EYS: variants seen among roughly 807,000 people sequenced by gnomAD.
EYS encodes the protein EGF-like photoreceptor maintenance factor, also known as protein eyes shut homolog.
EYS carries 250 observed loss-of-function variants against 282.1 expected under a neutral mutation model. The observed-to-expected ratio is 0.89, with a 90% CI of 0.80 to 0.98. The LOEUF (loss-of-function observed/expected upper bound fraction) is 0.98. Ranked by LOEUF, EYS falls within the 50% of genes least tolerant of loss-of-function variation. The pLI, the probability that EYS is intolerant of heterozygous loss-of-function variation, is 0.00. For missense variants in EYS, 4,016 were observed against 3,709.0 expected (o/e 1.08, Z -2.15); for synonymous variants, 1,355 against 1,282.9 (o/e 1.06, Z -1.20).
intron 30 of EYS, among the ~76,000 whole-genome samples, chr6:64,281,243 C>T (rs1015466438): frequency 2.0e-5 from 3 of 151,966 alleles, no homozygotes; most frequent in Non-Finnish European, 2.9e-5. Flanking sequence ...CTTAATGCAT[C>T]TTTCAAAAAA....
In EYS at chr6:64,591,646, T is replaced by C. The variant is rs527342098; in HGVS notation, c.4221A>G (p.Gln1407=). ...TCTGACAGTTCTCAAATAATAAAGA[T>C]TGTGTAGGAAAAATAAAATCTGACA... ...SLMSDFIFPT[Q]SLLFENCQTV... The change falls in exon 26 of 43, where the codon CAA becomes CAG. Residue 1407 remains glutamine (Q), a synonymous_variant. Transcript: ENST00000503581. The C allele has an allele frequency of 1.6e-5, 25 of 1,551,140 alleles. No homozygotes were observed. The African/African-American group carries it at 3.3e-4, about 20-fold the overall frequency.
Position 63,798,987 on chromosome 6 carries a change from G to GTATATATA in EYS, c.7411+7195_7411+7202dup, listed in dbSNP as rs56290982. Among the ~76,000 whole-genome samples the GTATATATA allele has an allele frequency of 4.4e-3, 376 of 85,694 alleles. 2 individuals carry two copies. Among genetic ancestry groups the GTATATATA allele is most frequent in the Middle Eastern group, 0.017 (2 of 116 alleles). The allele number at this position is 85,694 out of a possible 152,430, so 56.2% of individuals were successfully genotyped here. The stretch of plus-strand genomic sequence containing the variant: ...TGTATATATATATATGTATATGTGT[G>GTATATATA]TATATATATATATATATATATATAT... On this transcript the variant is annotated intron_variant, in intron 37 of 42. Transcript: ENST00000503581.
intron 1 of EYS, among the ~76,000 whole-genome samples, chr6:65,682,810 T>C (rs1768883356): frequency 6.6e-6 from 1 of 151,686 alleles, no homozygotes. Flanking sequence ...ATGTATATAG[T>C]AAAAAGAAAG....
chr6:64,855,266 G>A (rs1351017206), intron 19 of EYS, among the ~76,000 whole-genome samples: 1 of 151,598 alleles, frequency 6.6e-6, no homozygotes, highest in Non-Finnish European at 1.5e-5. Context: ...TAGAAATCTT[G>A]GCCTTTATCT....
At chr6:65,524,011 A>G (rs542804189) in intron 2 of EYS, among the ~76,000 whole-genome samples, 3 of 152,296 alleles carry the variant, frequency 2.0e-5, no homozygotes, top group African/African-American at 7.2e-5. Flanking sequence ...AGCTGGGATT[A>G]CAGACACACA....
At chr6:65,538,086 T>C (rs899518310) in intron 2 of EYS, among the ~76,000 whole-genome samples, 1 of 152,090 alleles carries the variant, frequency 6.6e-6, no homozygotes, top group Non-Finnish European at 1.5e-5. Flanking sequence ...ATTAGGTGAG[T>C]TGTTAAGAAG....
intron 30 of EYS, among the ~76,000 whole-genome samples, chr6:64,264,334 G>A (rs1376042592): frequency 6.6e-6 from 1 of 152,076 alleles, no homozygotes; most frequent in Non-Finnish European, 1.5e-5. Flanking sequence ...GCTTAATCAG[G>A]TTTCCTCTGA....
At chr6:64,470,290 A>G (rs1021711982) in intron 26 of EYS, among the ~76,000 whole-genome samples, 39 of 152,222 alleles carry the variant, frequency 2.6e-4, no homozygotes, top group African/African-American at 9.2e-4. Context: ...AATTCTGGAA[A>G]AATAATTAGA....
Position 64,386,968 on chromosome 6 carries a change from G to GTAAT in EYS, c.6078+1718_6078+1721dup, listed in dbSNP as rs1561964184. 2.0e-5 allele frequency among the ~76,000 whole-genome samples: 3 copies of GTAAT among 152,198 alleles called. No homozygotes were observed. The East Asian group carries it at 5.8e-4, about 29-fold the overall frequency. On this transcript the variant is annotated intron_variant, in intron 29 of 42. Coordinates refer to ENST00000503581, the MANE Select transcript of EYS (RefSeq NM_001142800.2). ...AATGGCTCCCCCATTTAAGAAGTAT[G>GTAAT]TAATGTATAGTATATGTATATGGCA...
At chr6:64,907,191 C>A (rs769056837) in intron 16 of EYS, among the ~76,000 whole-genome samples, 5 of 152,130 alleles carry the variant, frequency 3.3e-5, no homozygotes, top group Non-Finnish European at 5.9e-5. Flanking sequence ...ACAGTTAGGA[C>A]TGCAGGCATG....
chr6:65,178,322 T>C (rs1268685032), intron 12 of EYS, among the ~76,000 whole-genome samples: 1 of 151,942 alleles, frequency 6.6e-6, no homozygotes, highest in Non-Finnish European at 1.5e-5. Context: ...TCTAAACTTG[T>C]TACTGTCTTG....
intron 31 of EYS, among the ~76,000 whole-genome samples, chr6:64,147,307 G>A (rs77875974): frequency 7.4e-4 from 113 of 152,200 alleles, no homozygotes; most frequent in Middle Eastern, 3.4e-3. Context: ...GTTTTAGAAG[G>A]TGTAATACAA....
At chr6:63,934,867 T>G (rs1765009922) in intron 35 of EYS, among the ~76,000 whole-genome samples, 1 of 152,082 alleles carries the variant, frequency 6.6e-6, no homozygotes, top group South Asian at 2.1e-4. Flanking sequence ...ACCTGCACGT[T>G]GTGCACATGT....
chr6:65,582,048 T>C (rs990635396), intron 2 of EYS, among the ~76,000 whole-genome samples: 2 of 151,154 alleles, frequency 1.3e-5, no homozygotes, highest in Non-Finnish European at 2.9e-5. Context: ...ATATATAAAT[T>C]AGCCAAGTAT....
intron 22 of EYS, among the ~76,000 whole-genome samples, chr6:64,716,760 G>A (rs1411323051): frequency 2.0e-5 from 3 of 152,060 alleles, no homozygotes; most frequent in Non-Finnish European, 4.4e-5. Context: ...TGTTCTTTAC[G>A]TTGATATTTT....
intron 12 of EYS, among the ~76,000 whole-genome samples, chr6:65,113,300 C>G (rs984106049): frequency 2.6e-5 from 4 of 151,980 alleles, no homozygotes; most frequent in African/African-American, 9.7e-5. Context: ...AGACAAGACT[C>G]TCTCTGTGAA....
At chr6:65,469,502 C>T (rs1243734276) in intron 5 of EYS, among the ~76,000 whole-genome samples, 2 of 151,942 alleles carry the variant, frequency 1.3e-5, no homozygotes, top group African/African-American at 4.8e-5. Context: ...GTCAGTGAAT[C>T]TAAAAATAGG....
chr6:64,971,550 A>G (rs1770294083), intron 14 of EYS, among the ~76,000 whole-genome samples: 1 of 152,138 alleles, frequency 6.6e-6, no homozygotes, highest in African/African-American at 2.4e-5. Context: ...ACTTGGTTCC[A>G]TTGATGCTTT....
At chr6:64,517,530 G>T (rs530843454) in intron 26 of EYS, among the ~76,000 whole-genome samples, 1 of 151,738 alleles carries the variant, frequency 6.6e-6, no homozygotes, top group South Asian at 2.1e-4. Context: ...TGGTAAAAAA[G>T]ATTAAAAACA....
Sources: allele counts gnomAD v4.1 joint callset (sites outside exome capture counted in the v4.1 genomes callset), GRCh38; gene constraint gnomAD v4.1.1; transcripts MANE v1.5; gene names NCBI Gene and HGNC (gene_info 2026-07-23, HGNC 2026-07-21).